Variants in CYP19A1 observed in about 807,000 individuals in gnomAD.
CYP19A1 encodes the protein cytochrome P450 family 19 subfamily A member 1.
A neutral mutation model predicts 44.4 loss-of-function variants in CYP19A1; 32 were observed. That is an observed-to-expected ratio of 0.72 (90% CI 0.54 to 0.97). The LOEUF is 0.97. Ranked by LOEUF, CYP19A1 falls within the 50% of genes least tolerant of loss-of-function variation. CYP19A1 has a pLI of 0.00. For missense variants in CYP19A1, 598 were observed against 637.8 expected (o/e 0.94, Z 0.67); for synonymous variants, 212 against 215.6 (o/e 0.98, Z 0.14).
intron 5 of CYP19A1, chr15:51,222,123 G>A (rs1228467581): frequency 7.2e-6 from 5 of 698,134 alleles, no homozygotes; most frequent in Non-Finnish European, 9.3e-6. Flanking sequence ...AGAGTAATGA[G>A]GAAAGATACA....
At chr15:51,275,935 C>G (rs1029137347) in intron 1 of CYP19A1, among the ~76,000 whole-genome samples, 6 of 152,274 alleles carry the variant, frequency 3.9e-5, no homozygotes, top group Non-Finnish European at 8.8e-5. Context: ...CAGCCCCACA[C>G]CAGATTCCAG....
chr15:51,322,494 T>C (rs1396408922), intron 1 of CYP19A1, among the ~76,000 whole-genome samples: 1 of 152,232 alleles, frequency 6.6e-6, no homozygotes, highest in Admixed American at 6.5e-5. Flanking sequence ...CTGCTTCTGC[T>C]GTTGTTACTG....
chr15:51,326,480 G>T (rs1338298672), intron 1 of CYP19A1, among the ~76,000 whole-genome samples: 1 of 152,170 alleles, frequency 6.6e-6, no homozygotes, highest in African/African-American at 2.4e-5. Context: ...TTGAGAATGT[G>T]GCTCAACTTT....
At chr15:51,297,974 G>T (rs1278814077) in intron 1 of CYP19A1, among the ~76,000 whole-genome samples, 2 of 152,098 alleles carry the variant, frequency 1.3e-5, no homozygotes, top group African/African-American at 2.4e-5. Context: ...AGGAATGGGG[G>T]AAGATGTAGG....
chr15:51,210,011 A>G lies in CYP19A1; in HGVS notation c.*797T>C, dbSNP rs549957090. 1.7e-5 allele frequency: 3 copies of G among 180,898 alleles called. No individual in the cohort carries two copies. Among genetic ancestry groups the G allele is most frequent in the African/African-American group, 7.2e-5 (3 of 41,748 alleles). The allele number at this position is 180,898 out of a possible 1,614,324, so 11.2% of individuals were successfully genotyped here. A position where few individuals can be genotyped will look rare whatever the true frequency, so the allele number is the denominator to read the frequency against. On this transcript the variant is annotated 3_prime_UTR_variant, in exon 10 of 10. Transcript: ENST00000396402. The stretch of plus-strand genomic sequence containing the variant: ...ATTTGAATTTGAAGTGCATCATGTG[A>G]ATTTTTTTTTCTACAGCAGACACAG...
chr15:51,228,965 G>C (rs975579357), intron 3 of CYP19A1, among the ~76,000 whole-genome samples: 1 of 152,066 alleles, frequency 6.6e-6, no homozygotes, highest in Non-Finnish European at 1.5e-5. Flanking sequence ...GGAGAGACTT[G>C]CTCCTCCATC....
At chr15:51,244,081 C>T (rs2033939622) in intron 1 of CYP19A1, among the ~76,000 whole-genome samples, 1 of 152,196 alleles carries the variant, frequency 6.6e-6, no homozygotes, top group Non-Finnish European at 1.5e-5. Flanking sequence ...CTGGGTTTCA[C>T]CTGTAATAAA....
At position 51,256,795 on chromosome 15, in the gene CYP19A1, C is replaced by T. The variant is rs574369861; in HGVS notation, c.-38-13845G>A. On this transcript the variant is annotated intron_variant, in intron 1 of 9. Coordinates refer to ENST00000396402, the MANE Select transcript of CYP19A1 (RefSeq NM_000103.4). ...AGTAAGTGATAGCTAATGTTAATGG[C>T]AGAATCATATCCTTCAAAAACAAAG... is the stretch of plus-strand genomic sequence containing the variant. Among the ~76,000 whole-genome samples the T allele has an allele frequency of 4.6e-5, 7 of 152,228 alleles. No homozygotes were observed. The South Asian group carries it at 1.5e-3, about 32-fold the overall frequency.
intron 1 of CYP19A1, among the ~76,000 whole-genome samples, chr15:51,254,193 G>C (rs543742783): frequency 1.3e-5 from 2 of 152,188 alleles, no homozygotes; most frequent in African/African-American, 4.8e-5. Context: ...TAGCTAAACT[G>C]CCTGTGGGTG....
chr15:51,247,257 CATT>C (rs1293697808), intron 1 of CYP19A1, among the ~76,000 whole-genome samples: 8 of 152,198 alleles, frequency 5.3e-5, no homozygotes, highest in Non-Finnish European at 1.0e-4. Context: ...TTTGAGAACT[CATT>C]ATTTTCCTCT....
chr15:51,330,485 A>T (rs2036682774), intron 1 of CYP19A1, among the ~76,000 whole-genome samples: 1 of 152,200 alleles, frequency 6.6e-6, no homozygotes, highest in African/African-American at 2.4e-5. Flanking sequence ...AAATAAAATG[A>T]TATGGTACCT....
chr15:51,329,465 A>T (rs1281760152), intron 1 of CYP19A1, among the ~76,000 whole-genome samples: 1 of 152,212 alleles, frequency 6.6e-6, no homozygotes, highest in Admixed American at 6.5e-5. Context: ...AGCAGAAGAC[A>T]TGGGTATTAG....
At chr15:51,325,438 C>T (rs1179996052) in intron 1 of CYP19A1, among the ~76,000 whole-genome samples, 1 of 152,198 alleles carries the variant, frequency 6.6e-6, no homozygotes, top group Admixed American at 6.5e-5. Context: ...GAGTATGACA[C>T]TAACCATGAG....
At chr15:51,281,664 G>A (rs1452962546) in intron 1 of CYP19A1, among the ~76,000 whole-genome samples, 2 of 152,140 alleles carry the variant, frequency 1.3e-5, no homozygotes, top group African/African-American at 4.8e-5. Context: ...CTGCTTGGCT[G>A]GCCAGAGGTA....
intron 1 of CYP19A1, among the ~76,000 whole-genome samples, chr15:51,252,584 G>T (rs2034359596): frequency 6.6e-6 from 1 of 152,180 alleles, no homozygotes; most frequent in Non-Finnish European, 1.5e-5. Flanking sequence ...GGGCAAAATT[G>T]GTACCCTGAT....
chr15:51,296,650 G>T (rs3764221), intron 1 of CYP19A1, among the ~76,000 whole-genome samples: 1 of 151,918 alleles, frequency 6.6e-6, no homozygotes, highest in Non-Finnish European at 1.5e-5. Flanking sequence ...ACTTTTTTTG[G>T]TATTAAAATG....
chr15:51,234,078 G>GA (rs889196454), intron 3 of CYP19A1, among the ~76,000 whole-genome samples: 35 of 149,256 alleles, frequency 2.3e-4, no homozygotes, highest in African/African-American at 7.6e-4. Context: ...CTTTTCAAAA[G>GA]AAAAAAAAAA....
intron 2 of CYP19A1, 56 bp downstream of exon 2, chr15:51,242,712 G>T: frequency 8.5e-7 from 1 of 1,181,466 alleles, no homozygotes; most frequent in Non-Finnish European, 1.3e-6. Context: ...TACCATCATG[G>T]ACCAAAATCC....
chr15:51,256,585 C>T (rs2414099), intron 1 of CYP19A1, among the ~76,000 whole-genome samples: 126,591 of 152,136 alleles, frequency 0.83, 52,877 homozygotes, highest in East Asian at 0.99. Flanking sequence ...TGGCAAGTGG[C>T]AAATACCAAA....
Sources: gnomAD v4.1 joint callset for allele counts (sites outside exome capture counted in the v4.1 genomes callset) on GRCh38, gnomAD v4.1.1 for gene constraint, MANE v1.5 for transcripts, NCBI Gene and HGNC (gene_info 2026-07-23, HGNC 2026-07-21) for gene names.